The following ARHGAP39 variants were observed in gnomAD, a reference collection of about 807,000 sequenced individuals.
ARHGAP39 encodes the protein Rho GTPase activating protein 39, also known as rho GTPase-activating protein 39.
In ARHGAP39, 44 loss-of-function variants were observed where a neutral mutation model predicts 106.9. The ratio of observed to expected loss-of-function variants is 0.41; its 90% CI spans 0.32 to 0.53. The LOEUF (loss-of-function observed/expected upper bound fraction) is 0.53, where lower values mean the gene tolerates loss of function less well. ARHGAP39 is among the 20% of genes least tolerant of loss of function. The pLI is 0.21. For synonymous variants in ARHGAP39, 768 were observed against 693.2 expected (o/e 1.11, Z -1.69); for missense variants, 1,496 against 1,577.3 (o/e 0.95, Z 0.87).
chr8:144,627,295 C>T (rs1012888800), intron 1 of ARHGAP39, among the ~76,000 whole-genome samples: 2 of 152,190 alleles, frequency 1.3e-5, no homozygotes, highest in Non-Finnish European at 2.9e-5. Flanking sequence ...GTGGCTCATG[C>T]CTGTAATCCC....
At chr8:144,628,720 G>A (rs1403998577) in intron 1 of ARHGAP39, among the ~76,000 whole-genome samples, 1 of 152,140 alleles carries the variant, frequency 6.6e-6, no homozygotes, top group Admixed American at 6.5e-5. Flanking sequence ...TAACCCATGG[G>A]CCAAAGAACT....
chr8:144,587,654 CTTT>C (rs1182233262), intron 2 of ARHGAP39, among the ~76,000 whole-genome samples: 5 of 136,076 alleles, frequency 3.7e-5, no homozygotes, highest in Admixed American at 7.4e-5. Context: ...GGCAGAGAGA[CTTT>C]TTTTTTTTTT....
chr8:144,571,141 C>T (rs2130884378), intron 3 of ARHGAP39, among the ~76,000 whole-genome samples: 1 of 152,276 alleles, frequency 6.6e-6, no homozygotes, highest in South Asian at 2.1e-4. Flanking sequence ...ATAAGGCCAC[C>T]ATCATCCTGA....
At chr8:144,584,265 C>G (rs1819104323) in intron 2 of ARHGAP39, 1 of 151,418 alleles carries the variant, frequency 6.6e-6, no homozygotes, top group Admixed American at 6.6e-5. Flanking sequence ...GTGGTGAAAC[C>G]CCATCTCTAC....
chr8:144,542,663 G>C (rs867918738), intron 6 of ARHGAP39, among the ~76,000 whole-genome samples: 8 of 146,258 alleles, frequency 5.5e-5, no homozygotes, highest in Non-Finnish European at 4.5e-5. Context: ...TCTTGGCCGG[G>C]CACAATGGCT....
In ARHGAP39 at chr8:144,548,443, T is replaced by G; in HGVS notation, c.643A>C (p.Ile215Leu). 6.2e-7 allele frequency: 1 copy of G among 1,610,914 alleles called. No homozygotes were observed. Among genetic ancestry groups the G allele is most frequent in the Non-Finnish European group, 8.5e-7 (1 of 1,179,654 alleles). The change falls in exon 5 of 12, where the codon ATC (isoleucine) becomes CTC (leucine). Residue 215 changes from isoleucine to leucine, a missense_variant. Ile to Leu is a conservative substitution (Grantham distance 5). Coordinates refer to ENST00000377307, the MANE Select transcript of ARHGAP39 (RefSeq NM_025251.3). The surrounding 1 kb of genome is among the most constrained non-coding windows in gnomAD (Gnocchi z 7.4). ...WNSGAKERML[I>L]KVADREPSFL... ...CTGGGCTCCCGATCAGCGACCTTGATGAGCATGCGCTCTTTGGCGCCCGAG... is the reference window on the plus strand; with the variant it reads ...CTGGGCTCCCGATCAGCGACCTTGAGGAGCATGCGCTCTTTGGCGCCCGAG...
At chr8:144,600,649 TGGA>T (rs1207233341) in intron 2 of ARHGAP39, among the ~76,000 whole-genome samples, 5 of 141,650 alleles carry the variant, frequency 3.5e-5, no homozygotes, top group African/African-American at 8.0e-5. Flanking sequence ...TGCGTGTGCA[TGGA>T]GGTGTGCGTG....
At chr8:144,583,284 T>C (rs1328749582) in intron 2 of ARHGAP39, among the ~76,000 whole-genome samples, 2 of 152,270 alleles carry the variant, frequency 1.3e-5, no homozygotes, top group Non-Finnish European at 2.9e-5. Context: ...TTTAAAGTTT[T>C]AACTTTTTGT....
chr8:144,659,494 G>A (rs1821772337), intron 1 of ARHGAP39, among the ~76,000 whole-genome samples: 1 of 152,166 alleles, frequency 6.6e-6, no homozygotes, highest in Admixed American at 6.5e-5. Flanking sequence ...ACGTCTCTGA[G>A]GCCAATGAGT....
chr8:144,696,149 T>A, the ARHGAP39 span, among the ~76,000 whole-genome samples: 3 of 147,212 alleles, frequency 2.0e-5, no homozygotes, highest in African/African-American at 5.3e-5. Flanking sequence ...CCCAGTTAAA[T>A]TTTTTTTTTA....
chr8:144,559,896 GGC>G (rs770288162), intron 3 of ARHGAP39, among the ~76,000 whole-genome samples: 1 of 152,174 alleles, frequency 6.6e-6, no homozygotes, highest in Non-Finnish European at 1.5e-5. Context: ...GTGTTTTAAT[GGC>G]AACCTATCAC....
At chr8:144,621,617 G>A (rs562031713) in intron 1 of ARHGAP39, among the ~76,000 whole-genome samples, 3 of 152,212 alleles carry the variant, frequency 2.0e-5, no homozygotes, top group Non-Finnish European at 2.9e-5. Flanking sequence ...AGAAGTTCAA[G>A]ACCAGCCTGC....
chr8:144,562,688 T>C (rs1349982654), intron 3 of ARHGAP39, among the ~76,000 whole-genome samples: 2 of 151,630 alleles, frequency 1.3e-5, no homozygotes, highest in South Asian at 2.1e-4. Flanking sequence ...ACTCCAGTGG[T>C]TTCCATCGGA....
intron 2 of ARHGAP39, among the ~76,000 whole-genome samples, chr8:144,594,702 A>G (rs936344233): frequency 1.3e-5 from 2 of 151,738 alleles, no homozygotes; most frequent in African/African-American, 4.8e-5. Flanking sequence ...CTCAAAAAAA[A>G]AAAAAAAAGG....
chr8:144,587,016 T>C (rs1819206454), intron 2 of ARHGAP39, among the ~76,000 whole-genome samples: 1 of 152,196 alleles, frequency 6.6e-6, no homozygotes, highest in Non-Finnish European at 1.5e-5. Flanking sequence ...TAGTGAGTTC[T>C]CATGAGATCT....
At chr8:144,627,991 C>G (rs906936563) in intron 1 of ARHGAP39, among the ~76,000 whole-genome samples, 1 of 152,212 alleles carries the variant, frequency 6.6e-6, no homozygotes, top group African/African-American at 2.4e-5. Context: ...GCATGCAGAC[C>G]AATGCAGTGG....
chr8:144,691,603 A>G, the ARHGAP39 span, among the ~76,000 whole-genome samples: 1 of 152,092 alleles, frequency 6.6e-6, no homozygotes, highest in South Asian at 2.1e-4. Context: ...CTAGGGGGTC[A>G]CAGTCTTCCC....
chr8:144,665,348 G>T (rs1821936823), intron 1 of ARHGAP39, among the ~76,000 whole-genome samples: 1 of 152,160 alleles, frequency 6.6e-6, no homozygotes, highest in Admixed American at 6.5e-5. Context: ...CAGTAGAAAA[G>T]AAAAACCCAT....
chr8:144,571,082 A>C (rs1818570612), intron 3 of ARHGAP39, among the ~76,000 whole-genome samples: 1 of 152,216 alleles, frequency 6.6e-6, no homozygotes. Flanking sequence ...AGTCCTTCTG[A>C]AACTATTCCA....
Sources: allele counts gnomAD v4.1 joint callset (sites outside exome capture counted in the v4.1 genomes callset), GRCh38; gene constraint gnomAD v4.1.1; non-coding constraint Gnocchi (gnomAD v3.1); transcripts MANE v1.5; gene names NCBI Gene and HGNC (gene_info 2026-07-23, HGNC 2026-07-21).